TXNRD1: variants seen among roughly 807,000 people sequenced by gnomAD.
TXNRD1 encodes thioredoxin reductase 1, also known as thioredoxin reductase 1, cytoplasmic.
Under a neutral mutation model 80.3 loss-of-function variants are expected in TXNRD1, and 57 were observed. The ratio of observed to expected loss-of-function variants is 0.71; its 90% CI spans 0.57 to 0.89. The LOEUF (loss-of-function observed/expected upper bound fraction) is 0.89, where lower values mean the gene tolerates loss of function less well. TXNRD1 is among the 40% of genes least tolerant of loss of function. The pLI is 0.00. For missense variants in TXNRD1, 730 were observed against 803.0 expected, an observed-to-expected ratio of 0.91 and a Z score of 1.10; for synonymous variants, 291 against 285.2, an observed-to-expected ratio of 1.02 and a Z score of -0.20.
intron 1 of TXNRD1, among the ~76,000 whole-genome samples, chr12:104,240,997 T>C (rs2032848189): frequency 6.6e-6 from 1 of 151,814 alleles, no homozygotes. Flanking sequence ...CGCCTCGGCC[T>C]CTCAAAGTGT....
chr12:104,220,741 GGT>G (rs1491476380), intron 1 of TXNRD1, among the ~76,000 whole-genome samples: 28,320 of 72,006 alleles, frequency 0.39, 5,172 homozygotes, highest in African/African-American at 0.62. Context: ...AAAAAAAAAC[GGT>G]GGGGGGGAGG....
intron 2 of TXNRD1, among the ~76,000 whole-genome samples, chr12:104,254,664 T>TA (rs2033212363): frequency 8.1e-6 from 1 of 122,980 alleles, no homozygotes. Context: ...TATATATATA[T>TA]ATCAGCATGG....
At chr12:104,250,039 C>T (rs1468124475) in intron 1 of TXNRD1, among the ~76,000 whole-genome samples, 2 of 151,574 alleles carry the variant, frequency 1.3e-5, no homozygotes, top group South Asian at 2.1e-4. Context: ...TTATTAACAC[C>T]ATTTAAATAT....
intron 3 of TXNRD1, chr12:104,265,281 G>C: frequency 6.4e-7 from 1 of 1,557,096 alleles, no homozygotes; most frequent in East Asian, 2.3e-5. Context: ...TTCCTTTTGC[G>C]GGTGGCGGCG....
chr12:104,296,281 G>A (rs1421821026), intron 4 of TXNRD1, among the ~76,000 whole-genome samples: 1 of 152,156 alleles, frequency 6.6e-6, no homozygotes, highest in East Asian at 1.9e-4. Flanking sequence ...GCTGGCATAT[G>A]GTAGGTGTTC....
chr12:104,281,507 C>T (rs1340484965), intron 3 of TXNRD1, among the ~76,000 whole-genome samples: 1 of 150,202 alleles, frequency 6.7e-6, no homozygotes, highest in Non-Finnish European at 1.5e-5. Flanking sequence ...CCCGGGTTCA[C>T]GCCATTCTCC....
intron 1 of TXNRD1, among the ~76,000 whole-genome samples, chr12:104,233,958 T>C (rs1490052653): frequency 2.6e-5 from 4 of 152,236 alleles, no homozygotes; most frequent in African/African-American, 9.6e-5. Flanking sequence ...TCCATTTAGT[T>C]AACTCTTATT....
intron 1 of TXNRD1, among the ~76,000 whole-genome samples, chr12:104,221,196 G>A (rs557598833): frequency 6.6e-6 from 1 of 152,202 alleles, no homozygotes; most frequent in Non-Finnish European, 1.5e-5. Context: ...GTGGGAGGTC[G>A]AGGCTGCAGT....
chr12:104,245,185 T>A (rs1418308642), intron 1 of TXNRD1, among the ~76,000 whole-genome samples: 1 of 150,384 alleles, frequency 6.6e-6, no homozygotes, highest in African/African-American at 2.4e-5. Context: ...TATTTTAGAT[T>A]TTTTTTTTTA....
rs544457053 is a variant in TXNRD1, at chr12:104,234,310, T to C, written c.92-17217T>C. Among the ~76,000 whole-genome samples the C allele has an allele frequency of 2.0e-5, 3 of 152,348 alleles. 1 individual carries two copies. Among genetic ancestry groups the C allele is most frequent in the African/African-American group, 7.2e-5 (3 of 41,582 alleles). On this transcript the variant is annotated intron_variant, in intron 1 of 16. Coordinates refer to ENST00000525566, the MANE Select transcript of TXNRD1 (RefSeq NM_001093771.3). ...TGATTTAAGCACATCTTTTTCTTTT[T>C]TTGAGACGAAGTCTCACTCTGTCAC...
At chr12:104,236,907 GT>G (rs1215169250) in intron 1 of TXNRD1, among the ~76,000 whole-genome samples, 1 of 150,790 alleles carries the variant, frequency 6.6e-6, no homozygotes, top group East Asian at 1.9e-4. Flanking sequence ...TTTCTTCTCA[GT>G]TGACTGAATT....
At chr12:104,333,113 G>A (rs1200091155) in intron 14 of TXNRD1, among the ~76,000 whole-genome samples, 1 of 151,858 alleles carries the variant, frequency 6.6e-6, no homozygotes. Flanking sequence ...GTGCTATACT[G>A]TAATTTGTTA....
chr12:104,326,759 C>T (rs536127334), intron 12 of TXNRD1, among the ~76,000 whole-genome samples: 86 of 152,070 alleles, frequency 5.7e-4, no homozygotes, highest in Middle Eastern at 3.2e-3. Flanking sequence ...AGCCACTGTG[C>T]CTGGCCCATT....
chr12:104,253,712 G>C (rs2033180740), intron 2 of TXNRD1, among the ~76,000 whole-genome samples: 1 of 151,816 alleles, frequency 6.6e-6, no homozygotes, highest in Non-Finnish European at 1.5e-5. Context: ...TTTTGTTTTT[G>C]AGACAGAGTC....
At chr12:104,288,719 G>C (rs1448418948) in intron 3 of TXNRD1, 10 of 1,420,322 alleles carry the variant, frequency 7.0e-6, no homozygotes, top group Non-Finnish European at 9.3e-6. Flanking sequence ...TTTTCAGCCA[G>C]TGTGCGGATT....
At chr12:104,304,055 C>T (rs377416878) in intron 4 of TXNRD1, 37 of 1,613,700 alleles carry the variant, frequency 2.3e-5, no homozygotes, top group Non-Finnish European at 3.0e-5. Context: ...CCGCAGCATC[C>T]GCAGGCAGTA....
At chr12:104,278,189 C>CTTTT (rs202175579) in intron 3 of TXNRD1, among the ~76,000 whole-genome samples, 1 of 98,294 alleles carries the variant, frequency 1.0e-5, no homozygotes, top group Non-Finnish European at 2.0e-5. Flanking sequence ...TGATCAAATT[C>CTTTT]TTTTTTTTTT....
chr12:104,300,229 C>T (rs907358653), intron 4 of TXNRD1, among the ~76,000 whole-genome samples: 4 of 151,838 alleles, frequency 2.6e-5, no homozygotes, highest in African/African-American at 9.7e-5. Context: ...AGAAAAGGAA[C>T]TGAAAATATA....
Position 104,327,665 on chromosome 12 carries a change from T to TAGTG in TXNRD1, c.1536_1537insAGTG (p.Val513SerfsTer5). 3 of 1,613,536 alleles carry TAGTG rather than the reference T, an allele frequency of 1.9e-6. No individual in the cohort carries two copies. Among genetic ancestry groups the TAGTG allele is most frequent in the Non-Finnish European group, 2.5e-6 (3 of 1,179,814 alleles). On this transcript the variant is annotated frameshift_variant, in exon 13 of 17. Transcript: ENST00000525566. LOFTEE classifies it high-confidence loss of function. ...CTCAGAGGCTCTATGCAGGTTCCAC[T>TAGTG]GTCAAGGTGAGTGTTGTGCTTGTTG...
Sources: gnomAD v4.1 joint callset for allele counts (sites outside exome capture counted in the v4.1 genomes callset) on GRCh38, gnomAD v4.1.1 for gene constraint, MANE v1.5 for transcripts, NCBI Gene and HGNC (gene_info 2026-07-23, HGNC 2026-07-21) for gene names.